The following DHX15 variants were observed in gnomAD, a reference collection of about 807,000 sequenced individuals.
DHX15 encodes the protein ATP-dependent RNA helicase DHX15.
A neutral mutation model predicts 94.4 loss-of-function variants in DHX15; 11 were observed. That is an observed-to-expected ratio of 0.12 (90% CI 0.07 to 0.19). The LOEUF (loss-of-function observed/expected upper bound fraction) is 0.19. Among genes scored for constraint, DHX15 ranks in the 10% least tolerant of loss-of-function variants. The pLI, the probability that DHX15 is intolerant of heterozygous loss-of-function variation, is 1.00. For synonymous variants in DHX15, 338 were observed against 329.9 expected (o/e 1.02, Z -0.27); for missense variants, 304 against 988.5 (o/e 0.31, Z 9.29).
intron 2 of DHX15, among the ~76,000 whole-genome samples, chr4:24,574,116 G>C (rs1263922699): frequency 7.0e-6 from 1 of 143,790 alleles, no homozygotes; most frequent in Admixed American, 7.4e-5. Flanking sequence ...TGAGGCAGGA[G>C]AATCACTTGA....
intron 1 of DHX15, among the ~76,000 whole-genome samples, chr4:24,583,972 A>G (rs1255726284): frequency 2.6e-5 from 4 of 151,876 alleles, no homozygotes; most frequent in Non-Finnish European, 5.9e-5. Context: ...CTCCGGCTCC[A>G]GGCCTTCCTC....
intron 5 of DHX15, among the ~76,000 whole-genome samples, chr4:24,550,117 A>AAAAAAAAAAAAAAAAAAAAAG (rs1721559871): frequency 6.8e-6 from 1 of 146,342 alleles, no homozygotes; most frequent in Non-Finnish European, 1.5e-5. Context: ...AAAAAAAAAA[A>AAAAAAAAAAAAAAAAAAAAAG]AAAAAACGGT....
intron 3 of DHX15, among the ~76,000 whole-genome samples, chr4:24,562,875 TAA>T (rs1454243712): frequency 6.6e-6 from 1 of 152,144 alleles, no homozygotes; most frequent in Non-Finnish European, 1.5e-5. Flanking sequence ...CTGAAAGATT[TAA>T]AAGAGCCTAG....
chr4:24,538,703 AC>A (rs1229845860), intron 10 of DHX15: 2 of 151,758 alleles, frequency 1.3e-5, no homozygotes, highest in African/African-American at 4.8e-5. Context: ...CTCCTGACAA[AC>A]TAAAGGTTTT....
intron 3 of DHX15, among the ~76,000 whole-genome samples, chr4:24,560,394 G>A (rs1430240782): frequency 6.6e-6 from 1 of 151,658 alleles, no homozygotes; most frequent in Non-Finnish European, 1.5e-5. Flanking sequence ...AAACAAAATA[G>A]TAAAATACAT....
intron 2 of DHX15, among the ~76,000 whole-genome samples, chr4:24,576,023 T>C (rs1246735124): frequency 6.6e-6 from 1 of 152,132 alleles, no homozygotes; most frequent in African/African-American, 2.4e-5. Flanking sequence ...GGTAACAAAA[T>C]TTGAAAAGCG....
intron 2 of DHX15, among the ~76,000 whole-genome samples, chr4:24,575,401 A>T (rs550725066): frequency 2.6e-5 from 4 of 152,336 alleles, no homozygotes; most frequent in African/African-American, 9.6e-5. Flanking sequence ...GAAACCAGAA[A>T]TTTTTAATTG....
At chr4:24,532,780 G>T in intron 12 of DHX15, 84 bp downstream of exon 12, 2 of 1,051,148 alleles carry the variant, frequency 1.9e-6, no homozygotes, top group Non-Finnish European at 2.7e-6. Context: ...ACTCACTTTT[G>T]CTTTTGAGTG....
At chr4:24,571,314 A>T (rs935484299) in intron 2 of DHX15, among the ~76,000 whole-genome samples, 4 of 152,188 alleles carry the variant, frequency 2.6e-5, no homozygotes, top group African/African-American at 9.7e-5. Context: ...CCTAACTCTT[A>T]GCACCCAACT....
rs61031930 is a variant in DHX15 at position 24,574,205 on chromosome 4, CAAAAAAAAAAAA to C, written c.507+2026_507+2037del. Among the ~76,000 whole-genome samples, 5 of 68,872 alleles carry C rather than the reference CAAAAAAAAAAAA, an allele frequency of 7.3e-5. No homozygotes were observed. In the East Asian group the frequency reaches 1.1e-3, roughly 15 times the overall value. 45.2% of individuals were successfully genotyped at this position (68,872 alleles called of 152,430 possible). On this transcript the variant is annotated intron_variant, in intron 2 of 13. Transcript: ENST00000336812. ...TGGGTGACAGAGCGAGACTTTGTCT[CAAAAAAAAAAAA>C]AAAAAAAAAAAGTTAAAGTCATTAC...
At position 24,556,406 on chromosome 4, in the gene DHX15, T is replaced by C. The variant is rs763919358; in HGVS notation, c.706A>G (p.Met236Val). The C allele has an allele frequency of 1.9e-6, 3 of 1,611,854 alleles. No homozygotes were observed. Among genetic ancestry groups the C allele is most frequent in the Non-Finnish European group, 2.5e-6 (3 of 1,178,774 alleles). ...CSSAKTILKY[M>V]TDGMLLREAM... Reference sequence around the variant, plus strand: ...TCACGAAGTAACATCCCATCAGTCATATACCTATATTCCAAAGAACATGTT... The same window carrying C: ...TCACGAAGTAACATCCCATCAGTCACATACCTATATTCCAAAGAACATGTT... Residue 236 changes from methionine to valine, a missense_variant, in exon 4 of 14, where the codon ATG becomes GTG. Coordinates refer to ENST00000336812, the MANE Select transcript of DHX15 (RefSeq NM_001358.3).
At chr4:24,556,559 A>G in intron 3 of DHX15, 149 bp from the exon 4 acceptor site, 1 of 623,612 alleles carries the variant, frequency 1.6e-6, no homozygotes, top group Non-Finnish European at 2.7e-6. Flanking sequence ...GATCAATTGC[A>G]AAATTAAGTT....
chr4:24,566,066 T>C (rs201755792), intron 3 of DHX15, among the ~76,000 whole-genome samples: 1 of 150,586 alleles, frequency 6.6e-6, no homozygotes, highest in Non-Finnish European at 1.5e-5. Context: ...TTAAGAGAGA[T>C]GGAGTCTTGC....
intron 6 of DHX15, among the ~76,000 whole-genome samples, chr4:24,546,832 A>C (rs1294013698): frequency 6.6e-6 from 1 of 152,216 alleles, no homozygotes; most frequent in African/African-American, 2.4e-5. Flanking sequence ...ATTAAGTATT[A>C]TATTTGTTCA....
chr4:24,572,914 T>C (rs534945594), intron 2 of DHX15, among the ~76,000 whole-genome samples: 12 of 152,214 alleles, frequency 7.9e-5, no homozygotes, highest in Non-Finnish European at 1.8e-4. Context: ...TCCGGCTTTT[T>C]TGTTTTTTTC....
chr4:24,540,679 CTT>C (rs1560762834), intron 9 of DHX15, among the ~76,000 whole-genome samples, 159 bp downstream of exon 9: 1 of 151,582 alleles, frequency 6.6e-6, no homozygotes, highest in African/African-American at 2.4e-5. Flanking sequence ...TAACTGTCAC[CTT>C]TTTTAGTTTT....
chr4:24,547,905 A>C (rs10030987), intron 6 of DHX15, among the ~76,000 whole-genome samples: 1 of 7,326 alleles, frequency 1.4e-4, no homozygotes, highest in Non-Finnish European at 3.7e-4. Flanking sequence ...ATGTATGTGT[A>C]TATATATATA....
intron 8 of DHX15, 83 bp from the exon 9 acceptor site, chr4:24,541,031 C>A: frequency 1.4e-6 from 1 of 731,642 alleles, no homozygotes; most frequent in Non-Finnish European, 2.3e-6. Context: ...CTGCTGCCTC[C>A]TGAGCTATTT....
At chr4:24,554,650 T>C (rs1577341664) in intron 5 of DHX15, 75 bp downstream of exon 5, 2 of 1,091,036 alleles carry the variant, frequency 1.8e-6, no homozygotes, top group East Asian at 4.7e-5. Context: ...GATTAACATG[T>C]TCTTATGATT....
Sources: allele counts gnomAD v4.1 joint callset (sites outside exome capture counted in the v4.1 genomes callset), GRCh38; gene constraint gnomAD v4.1.1; transcripts MANE v1.5; gene names NCBI Gene and HGNC (gene_info 2026-07-23, HGNC 2026-07-21).